The following ARID5B variants were observed in gnomAD, a reference collection of about 807,000 sequenced individuals.
The protein encoded by ARID5B is AT-rich interaction domain 5B, also known as AT-rich interactive domain-containing protein 5B.
A neutral mutation model predicts 97.2 loss-of-function variants in ARID5B; 13 were observed. The ratio of observed to expected loss-of-function variants is 0.13; its 90% CI spans 0.09 to 0.21. ARID5B has a LOEUF of 0.21. Ranked by LOEUF, ARID5B falls within the 10% of genes least tolerant of loss-of-function variation. The pLI, the probability that ARID5B is intolerant of heterozygous loss-of-function variation, is 1.00. For missense variants in ARID5B, 1,210 were observed against 1,465.3 expected (o/e 0.83, Z 2.84); for synonymous variants, 556 against 570.3 (o/e 0.97, Z 0.36).
At chr10:62,060,172 C>G (rs1254586295) in intron 7 of ARID5B, among the ~76,000 whole-genome samples, 1 of 152,104 alleles carries the variant, frequency 6.6e-6, no homozygotes, top group Non-Finnish European at 1.5e-5. Flanking sequence ...GACAGTAAGA[C>G]ACACAAAGTC....
intron 4 of ARID5B, among the ~76,000 whole-genome samples, chr10:62,020,810 G>A (rs370983744): frequency 2.0e-5 from 3 of 151,944 alleles, no homozygotes; most frequent in East Asian, 1.9e-4. Context: ...TGAATATTAC[G>A]AACTTATAAA....
chr10:62,023,796 A>G (rs1367114179), intron 4 of ARID5B, among the ~76,000 whole-genome samples: 1 of 152,246 alleles, frequency 6.6e-6, no homozygotes, highest in Non-Finnish European at 1.5e-5. Context: ...ACAAATATTT[A>G]TTGAATAGTG....
At chr10:61,942,791 G>A (rs1044715395) in intron 3 of ARID5B, among the ~76,000 whole-genome samples, 6 of 152,130 alleles carry the variant, frequency 3.9e-5, no homozygotes, top group Non-Finnish European at 5.9e-5. Flanking sequence ...GCGAGGCTCT[G>A]TCTCAAAAAC....
intron 3 of ARID5B, among the ~76,000 whole-genome samples, chr10:61,974,068 T>C (rs1380240228): frequency 2.0e-5 from 3 of 152,188 alleles, no homozygotes; most frequent in African/African-American, 7.2e-5. Context: ...CTCTTTAACA[T>C]ATAAGAACAC....
chr10:62,063,923 C>T (rs545212663), intron 7 of ARID5B, among the ~76,000 whole-genome samples: 1 of 152,242 alleles, frequency 6.6e-6, no homozygotes, highest in East Asian at 1.9e-4. Flanking sequence ...AAGTGATTTC[C>T]ATTTGGCTAA....
rs1303057779 is a variant in ARID5B, at chr10:62,045,601, C to A, written c.734-5287C>A. On this transcript the variant is annotated intron_variant, in intron 4 of 9. Coordinates refer to ENST00000279873, the MANE Select transcript of ARID5B (RefSeq NM_032199.3). The stretch of plus-strand genomic sequence containing the variant: ...GAGTAGCTGGGACTACAGGTGCACA[C>A]CACCATGCCTGGCTAATTTTTGTAT... Among the ~76,000 whole-genome samples, 4 of 152,126 alleles carry A rather than the reference C, an allele frequency of 2.6e-5. No homozygotes were observed. The East Asian group carries it at 7.7e-4, about 29-fold the overall frequency.
At chr10:62,027,448 G>A (rs991251783) in intron 4 of ARID5B, among the ~76,000 whole-genome samples, 1 of 150,962 alleles carries the variant, frequency 6.6e-6, no homozygotes, top group Non-Finnish European at 1.5e-5. Flanking sequence ...AGCTGGGACT[G>A]CAGGAGCCCA....
chr10:61,988,257 T>C (rs992658806), intron 3 of ARID5B, among the ~76,000 whole-genome samples: 6 of 152,190 alleles, frequency 3.9e-5, no homozygotes, highest in Non-Finnish European at 8.8e-5. Flanking sequence ...CTTTTAGTAA[T>C]GTGCACACTA....
At chr10:62,051,057 T>C in intron 5 of ARID5B, 57 bp downstream of exon 5, 1 of 1,361,040 alleles carries the variant, frequency 7.3e-7, no homozygotes, top group Non-Finnish European at 1.0e-6. Context: ...TTTTGCTTTT[T>C]CTCTTTATCT....
chr10:62,048,477 C>A (rs1839741262), intron 4 of ARID5B, among the ~76,000 whole-genome samples: 1 of 152,166 alleles, frequency 6.6e-6, no homozygotes, highest in Non-Finnish European at 1.5e-5. Flanking sequence ...TTTGCCTAAC[C>A]ATACCTGAAA....
At chr10:61,914,465 T>C (rs148731882) in intron 2 of ARID5B, among the ~76,000 whole-genome samples, 100 of 152,328 alleles carry the variant, frequency 6.6e-4, no homozygotes, top group Admixed American at 1.5e-3. Flanking sequence ...TTCTCTCCTA[T>C]AGTAAGAAGG....
At chr10:61,950,018 T>G (rs1385318607) in intron 3 of ARID5B, among the ~76,000 whole-genome samples, 2 of 151,968 alleles carry the variant, frequency 1.3e-5, no homozygotes, top group African/African-American at 4.8e-5. Flanking sequence ...GTTTTGTTCT[T>G]TTTTTTTGAG....
chr10:62,068,052 G>A (rs769593970), intron 7 of ARID5B, among the ~76,000 whole-genome samples: 1 of 152,186 alleles, frequency 6.6e-6, no homozygotes, highest in Non-Finnish European at 1.5e-5. Flanking sequence ...TTGAGGAATC[G>A]TGTAGGCACT....
At chr10:62,036,048 C>T in intron 4 of ARID5B, among the ~76,000 whole-genome samples, 1 of 152,100 alleles carries the variant, frequency 6.6e-6, no homozygotes, top group East Asian at 1.9e-4. Flanking sequence ...TGGTCTTGAA[C>T]TCCTGACCTG....
intron 8 of ARID5B, among the ~76,000 whole-genome samples, chr10:62,075,886 G>A (rs542220424): frequency 2.6e-4 from 39 of 151,736 alleles, no homozygotes; most frequent in African/African-American, 9.5e-4. Flanking sequence ...GGATAGATTT[G>A]CCATTTGATT....
chr10:62,012,035 A>G (rs1479446885), intron 4 of ARID5B, among the ~76,000 whole-genome samples: 8 of 152,138 alleles, frequency 5.3e-5, no homozygotes, highest in Non-Finnish European at 1.2e-4. Flanking sequence ...AAAACAGCTT[A>G]TATGTTTTTC....
At chr10:62,056,176 G>T (rs922786363) in intron 5 of ARID5B, among the ~76,000 whole-genome samples, 1 of 152,136 alleles carries the variant, frequency 6.6e-6, no homozygotes, top group Non-Finnish European at 1.5e-5. Flanking sequence ...TAGGTTAGCC[G>T]CTCGATATGC....
At chr10:61,919,927 T>G (rs1843982835) in intron 2 of ARID5B, among the ~76,000 whole-genome samples, 1 of 152,160 alleles carries the variant, frequency 6.6e-6, no homozygotes, top group Non-Finnish European at 1.5e-5. Flanking sequence ...GGGTTTGTTT[T>G]TATTTCTTTA....
chr10:62,006,031 A>C (rs769308745), intron 4 of ARID5B, among the ~76,000 whole-genome samples: 7 of 152,194 alleles, frequency 4.6e-5, no homozygotes, highest in Non-Finnish European at 1.0e-4. Flanking sequence ...TAAGTAGAAA[A>C]GGAGTTGTGC....
Sources: allele counts gnomAD v4.1 joint callset (sites outside exome capture counted in the v4.1 genomes callset), GRCh38; gene constraint gnomAD v4.1.1; transcripts MANE v1.5; gene names NCBI Gene and HGNC (gene_info 2026-07-23, HGNC 2026-07-21).